The following UNC79 variants were observed in gnomAD, a reference collection of about 807,000 sequenced individuals.
UNC79 encodes the protein protein unc-79 homolog.
A neutral mutation model predicts 283.1 loss-of-function variants in UNC79; 37 were observed. That is an observed-to-expected ratio of 0.13 (90% CI 0.10 to 0.17). The LOEUF (loss-of-function observed/expected upper bound fraction) is 0.17. Among genes scored for constraint, UNC79 ranks in the 10% least tolerant of loss-of-function variants. The pLI, the probability that UNC79 is intolerant of heterozygous loss-of-function variation, is 1.00. For missense variants in UNC79, 2,272 were observed against 3,211.1 expected (o/e 0.71, Z 7.07); for synonymous variants, 1,107 against 1,200.2 (o/e 0.92, Z 1.61).
chr14:93,644,199 A>G (rs2069347733), intron 34 of UNC79, among the ~76,000 whole-genome samples: 1 of 152,248 alleles, frequency 6.6e-6, no homozygotes, highest in Non-Finnish European at 1.5e-5. Flanking sequence ...AAGGATGCAC[A>G]CATTTGGGGA....
rs151156403 is a variant in UNC79, at chr14:93,562,972, G to T, written c.1756-8922G>T. Among the ~76,000 whole-genome samples, 68 of 152,286 alleles carry T rather than the reference G, an allele frequency of 4.5e-4. No homozygotes were observed. The East Asian group carries it at 9.9e-3, about 22-fold the overall frequency. On this transcript the variant is annotated intron_variant, in intron 14 of 48. Coordinates refer to ENST00000555664, the Ensembl canonical transcript of UNC79. Reference sequence around the variant, plus strand: ...TAGTAGAATAGCAGATGGAACACTGGGAAGTGATTTCCTTGAGGATAGATT... The same window carrying T: ...TAGTAGAATAGCAGATGGAACACTGTGAAGTGATTTCCTTGAGGATAGATT...
In UNC79 at chr14:93,706,691, C is replaced by T. The variant is rs750128390; in HGVS notation, c.7591-13C>T. ...AAAGAAATAAACTAAAACCTCTTGC[C>T]CTTTTTCGACAGCACTTATCTGCGG... On this transcript the variant is annotated splice_polypyrimidine_tract_variant and intron_variant, in intron 48 of 48. Coordinates refer to ENST00000555664, the Ensembl canonical transcript of UNC79. The T allele has an allele frequency of 6.2e-7, 1 of 1,613,908 alleles. No individual in the cohort carries two copies.
intron 41 of UNC79, among the ~76,000 whole-genome samples, chr14:93,680,066 T>C (rs893296594): frequency 9.2e-5 from 14 of 152,356 alleles, no homozygotes; most frequent in Non-Finnish European, 1.8e-4. Flanking sequence ...TATGCACTTT[T>C]ATTTCCTTTA....
At chr14:93,560,039 T>C (rs1287206462) in intron 14 of UNC79, among the ~76,000 whole-genome samples, 1 of 151,914 alleles carries the variant, frequency 6.6e-6, no homozygotes, top group Non-Finnish European at 1.5e-5. Flanking sequence ...AGGGGTGATA[T>C]TGTGGGATTG....
chr14:93,701,507 C>T (rs1268352147), intron 47 of UNC79, among the ~76,000 whole-genome samples: 2 of 152,050 alleles, frequency 1.3e-5, no homozygotes, highest in African/African-American at 4.8e-5. Flanking sequence ...TTTTAAATGT[C>T]CTTCAGTTTT....
chr14:93,401,129 A>G (rs77386693), intron 1 of UNC79, among the ~76,000 whole-genome samples: 2,309 of 152,338 alleles, frequency 0.015, 15 homozygotes, highest in Non-Finnish European at 0.023. Flanking sequence ...GTGAGCTTGA[A>G]TCTTGGCAGA....
At chr14:93,555,331 TACAC>T (rs1190001068) in intron 14 of UNC79, among the ~76,000 whole-genome samples, 3 of 152,222 alleles carry the variant, frequency 2.0e-5, no homozygotes, top group Non-Finnish European at 4.4e-5. Flanking sequence ...CACATATAAA[TACAC>T]AGACAGAGAA....
chr14:93,392,616 T>C (rs2054906965), intron 1 of UNC79, among the ~76,000 whole-genome samples: 1 of 152,188 alleles, frequency 6.6e-6, no homozygotes, highest in South Asian at 2.1e-4. Context: ...AGAAGTGTTT[T>C]TTTTCTGCCC....
intron 38 of UNC79, among the ~76,000 whole-genome samples, chr14:93,657,095 A>G (rs965836086): frequency 6.6e-6 from 1 of 152,200 alleles, no homozygotes; most frequent in African/African-American, 2.4e-5. Context: ...GCAGGAGTAT[A>G]GAGGAGGGAT....
chr14:93,552,487 C>A (rs1243390341), intron 14 of UNC79, among the ~76,000 whole-genome samples: 2 of 152,102 alleles, frequency 1.3e-5, no homozygotes, highest in East Asian at 3.8e-4. Context: ...TGGAGACTTG[C>A]AGCTCAGAAA....
At chr14:93,641,326 A>AAAAGC in intron 33 of UNC79, 79 bp downstream of exon 36, 1 of 1,383,848 alleles carries the variant, frequency 7.2e-7, no homozygotes, top group Non-Finnish European at 1.0e-6. Context: ...AAGTTTCAGA[A>AAAAGC]AAAGCATGCT....
chr14:93,457,640 C>T (rs1057365596), intron 1 of UNC79, among the ~76,000 whole-genome samples: 7 of 151,968 alleles, frequency 4.6e-5, no homozygotes, highest in African/African-American at 1.5e-4. Context: ...ATGCTGGGCT[C>T]GATATGCTAA....
intron 25 of UNC79, 128 bp from the exon 26 acceptor site, chr14:93,603,111 G>A: frequency 1.8e-6 from 2 of 1,091,458 alleles, no homozygotes; most frequent in South Asian, 3.5e-5. Flanking sequence ...CATCATAGAG[G>A]GAGATGTATA....
intron 12 of UNC79, among the ~76,000 whole-genome samples, chr14:93,538,942 GCC>G (rs1290547762): frequency 6.6e-6 from 1 of 151,272 alleles, no homozygotes; most frequent in African/African-American, 2.4e-5. Flanking sequence ...TTGCTCTGTC[GCC>G]CAGGCTGGAG....
intron 19 of UNC79, 106 bp from the exon 20 acceptor site, chr14:93,582,097 G>A: frequency 1.3e-6 from 2 of 1,567,366 alleles, no homozygotes. Context: ...AGCAGCATGG[G>A]ACCCGAGACA....
At chr14:93,599,643 G>T (rs1468354022) in intron 24 of UNC79, among the ~76,000 whole-genome samples, 1 of 152,116 alleles carries the variant, frequency 6.6e-6, no homozygotes, top group Non-Finnish European at 1.5e-5. Context: ...TTAATGAATG[G>T]GATGTTTGGA....
chr14:93,367,799 CTCT>C (rs1343893684), intron 1 of UNC79, among the ~76,000 whole-genome samples: 1 of 152,220 alleles, frequency 6.6e-6, no homozygotes, highest in Non-Finnish European at 1.5e-5. Context: ...CTAATTTACT[CTCT>C]TCATCTCTGA....
chr14:93,598,405 T>G (rs1555368371), intron 24 of UNC79, among the ~76,000 whole-genome samples: 1 of 92,194 alleles, frequency 1.1e-5, no homozygotes, highest in African/African-American at 3.8e-5. Context: ...TGTGTGTGTG[T>G]GTGTGGCAGA....
intron 8 of UNC79, among the ~76,000 whole-genome samples, chr14:93,525,093 G>T (rs922190069): frequency 2.6e-5 from 4 of 152,140 alleles, no homozygotes; most frequent in Admixed American, 1.3e-4. Context: ...GGATGGCCTT[G>T]TATTATTATT....
Sources: gnomAD v4.1 joint callset for allele counts (sites outside exome capture counted in the v4.1 genomes callset) on GRCh38, gnomAD v4.1.1 for gene constraint, MANE v1.5 for transcripts, NCBI Gene and HGNC (gene_info 2026-07-23, HGNC 2026-07-21) for gene names.